Variants in SYNJ2 observed in about 807,000 individuals in gnomAD.
SYNJ2 encodes polyphosphatidylinositol phosphatase SYNJ2.
SYNJ2 carries 116 observed loss-of-function variants against 141.3 expected under a neutral mutation model. The observed-to-expected ratio is 0.82, with a 90% CI of 0.71 to 0.96. SYNJ2 has a LOEUF of 0.96. SYNJ2 is among the 40% of genes least tolerant of loss of function. SYNJ2 has a pLI of 0.00. For synonymous variants in SYNJ2, 745 were observed against 777.7 expected (o/e 0.96, Z 0.70); for missense variants, 1,873 against 1,934.8 (o/e 0.97, Z 0.60).
chr6:158,042,889 G>T (rs1237096765), intron 4 of SYNJ2, among the ~76,000 whole-genome samples: 1 of 152,202 alleles, frequency 6.6e-6, no homozygotes, highest in African/African-American at 2.4e-5. Context: ...ATTTCATTCA[G>T]TCCTTTTCTC....
chr6:158,054,966 G>C lies in SYNJ2; in HGVS notation c.796-1G>C. The stretch of plus-strand genomic sequence containing the variant: ...ACTGTTGTTACTTCTCTTTGCTTTA[G>C]GTTGGCTCCCATCATCTGAGACTCC... On this transcript the variant is annotated splice_acceptor_variant, in intron 5 of 26. Transcript: ENST00000355585. LOFTEE classifies it high-confidence loss of function. The C allele has an allele frequency of 1.2e-6, 2 of 1,614,064 alleles. No individual in the cohort carries two copies. The highest frequency in any genetic ancestry group is 1.7e-6 in the Non-Finnish European group (2 of 1,180,004).
intron 4 of SYNJ2, among the ~76,000 whole-genome samples, chr6:158,035,576 T>C (rs1779595248): frequency 6.6e-6 from 1 of 152,220 alleles, no homozygotes; most frequent in South Asian, 2.1e-4. Context: ...GTTTTCTAGA[T>C]ATAGAATCAT....
At chr6:157,985,956 A>G (rs1040420764) in intron 1 of SYNJ2, among the ~76,000 whole-genome samples, 1 of 152,202 alleles carries the variant, frequency 6.6e-6, no homozygotes, top group Non-Finnish European at 1.5e-5. Context: ...CTGTTGTGCG[A>G]GGCCACGTCT....
chr6:158,023,323 G>A (rs1778876419), intron 2 of SYNJ2, among the ~76,000 whole-genome samples: 1 of 151,786 alleles, frequency 6.6e-6, no homozygotes, highest in Non-Finnish European at 1.5e-5. Flanking sequence ...AACACAGTCA[G>A]GCAGTCAGGC....
intron 4 of SYNJ2, among the ~76,000 whole-genome samples, chr6:158,036,227 C>T (rs1219199154): frequency 6.6e-6 from 1 of 152,134 alleles, no homozygotes; most frequent in African/African-American, 2.4e-5. Context: ...CGAAAAATAA[C>T]AGATGCTGGC....
intron 11 of SYNJ2, 89 bp from the exon 12 acceptor site, chr6:158,066,355 G>C: frequency 1.4e-6 from 2 of 1,465,970 alleles, no homozygotes; most frequent in East Asian, 2.3e-5. Flanking sequence ...TGAACCATCT[G>C]TCTCTGCCAG....
intron 1 of SYNJ2, among the ~76,000 whole-genome samples, chr6:157,990,013 A>G (rs1050316725): frequency 7.2e-5 from 11 of 152,200 alleles, no homozygotes; most frequent in Non-Finnish European, 1.3e-4. Context: ...GTGCTGCGCC[A>G]GGAGGCTAGA....
chr6:158,052,506 G>A (rs748622959), intron 5 of SYNJ2, among the ~76,000 whole-genome samples: 2 of 152,236 alleles, frequency 1.3e-5, no homozygotes, highest in Non-Finnish European at 2.9e-5. Flanking sequence ...TGCTTCTGGG[G>A]AGGGTCTCAG....
intron 15 of SYNJ2, among the ~76,000 whole-genome samples, chr6:158,074,061 G>A (rs908807595): frequency 2.0e-5 from 3 of 152,080 alleles, no homozygotes; most frequent in Admixed American, 6.5e-5. Flanking sequence ...GGAGCTCTCC[G>A]GGGCTGAGCT....
At chr6:157,990,084 C>T (rs1777363235) in intron 1 of SYNJ2, among the ~76,000 whole-genome samples, 1 of 152,224 alleles carries the variant, frequency 6.6e-6, no homozygotes, top group Non-Finnish European at 1.5e-5. Flanking sequence ...GGCTGGCAGG[C>T]TGCCACTGCT....
chr6:158,013,458 G>A (rs928896271), intron 1 of SYNJ2, among the ~76,000 whole-genome samples: 4 of 152,320 alleles, frequency 2.6e-5, no homozygotes, highest in African/African-American at 9.6e-5. Flanking sequence ...TCCAATGGCT[G>A]CCAGGGGCTT....
chr6:158,011,056 TAATG>T (rs1778249320), intron 1 of SYNJ2, among the ~76,000 whole-genome samples: 2 of 145,662 alleles, frequency 1.4e-5, no homozygotes, highest in Admixed American at 1.4e-4. Flanking sequence ...AATGGCCACA[TAATG>T]GTGGGGGGAC....
At chr6:158,061,740 C>T (rs1045141595) in intron 7 of SYNJ2, among the ~76,000 whole-genome samples, 1 of 152,236 alleles carries the variant, frequency 6.6e-6, no homozygotes, top group African/African-American at 2.4e-5. Context: ...CCTGCTCTGG[C>T]TTCTTTTGCT....
At chr6:158,074,782 T>A in intron 16 of SYNJ2, 44 bp downstream of exon 16, 1 of 1,602,266 alleles carries the variant, frequency 6.2e-7, no homozygotes, top group East Asian at 2.2e-5. Flanking sequence ...TGCTCCAAGA[T>A]GGAATGACAT....
At chr6:158,053,099 C>G (rs982131289) in intron 5 of SYNJ2, among the ~76,000 whole-genome samples, 3 of 152,150 alleles carry the variant, frequency 2.0e-5, no homozygotes, top group African/African-American at 7.2e-5. Context: ...TTACATTTTC[C>G]TAGTGTTTCA....
Position 158,067,841 on chromosome 6 carries a change from A to G in SYNJ2, c.1718-806A>G, listed in dbSNP as rs960283132. On this transcript the variant is annotated intron_variant, in intron 12 of 26. Transcript: ENST00000355585. ...CTGGGTTGCTGCTTGTGGTGCCTCC[A>G]GAAGCCATTCAGGATGCCCTCCGGA... The G allele has an allele frequency of 4.7e-5, 46 of 985,164 alleles. No homozygotes were observed. The African/African-American group carries it at 6.8e-4, about 15-fold the overall frequency. 61.0% of individuals were successfully genotyped at this position (985,164 alleles called of 1,614,324 possible).
intron 2 of SYNJ2, among the ~76,000 whole-genome samples, chr6:158,025,943 ACT>A (rs2128334253): frequency 6.6e-6 from 1 of 152,046 alleles, no homozygotes; most frequent in East Asian, 1.9e-4. Context: ...CAAGAGTAAA[ACT>A]CTGTCTCAAA....
chr6:158,066,966 G>T (rs537552361), intron 12 of SYNJ2, among the ~76,000 whole-genome samples: 1 of 152,136 alleles, frequency 6.6e-6, no homozygotes, highest in South Asian at 2.1e-4. Flanking sequence ...TAACTGTGAG[G>T]TTGGGAGCCA....
chr6:158,084,033 G>A lies in SYNJ2; in HGVS notation c.3067G>A (p.Val1023Met), dbSNP rs770193875. ...TCTTGAAGACGATGAAGACTACTTGGTGGATGAATTCAATCAGCCTGGAGT... is the reference window on the plus strand; with the variant it reads ...TCTTGAAGACGATGAAGACTACTTGATGGATGAATTCAATCAGCCTGGAGT... ...DILEDDEDYL[V>M]DEFNQPGVSD... Residue 1023 changes from valine (V) to methionine (M), a missense_variant, in exon 22 of 27, where the codon GTG becomes ATG. Physicochemically the swap from Val to Met is conservative, Grantham distance 21. Coordinates refer to ENST00000355585, the MANE Select transcript of SYNJ2 (RefSeq NM_003898.4). The surrounding 1 kb of genome is among the most constrained non-coding windows in gnomAD (Gnocchi z 5.0). 1.9e-6 allele frequency: 3 copies of A among 1,614,004 alleles called. No individual in the cohort carries two copies. In the African/African-American group the frequency reaches 4.0e-5, roughly 22 times the overall value.
Sources: gnomAD v4.1 joint callset for allele counts (sites outside exome capture counted in the v4.1 genomes callset) on GRCh38, gnomAD v4.1.1 for gene constraint, Gnocchi (gnomAD v3.1) non-coding constraint, MANE v1.5 for transcripts, NCBI Gene and HGNC (gene_info 2026-07-23, HGNC 2026-07-21) for gene names.